The following RBFOX1 variants were observed in gnomAD, a reference collection of about 807,000 sequenced individuals.
RBFOX1 encodes the protein RNA binding protein fox-1 homolog 1.
RBFOX1 carries 8 observed loss-of-function variants against 57.7 expected under a neutral mutation model. The ratio of observed to expected loss-of-function variants is 0.14; its 90% CI spans 0.08 to 0.25. The LOEUF is 0.25. Among genes scored for constraint, RBFOX1 ranks in the 10% least tolerant of loss-of-function variants. The pLI, the probability that RBFOX1 is intolerant of heterozygous loss-of-function variation, is 1.00. For missense variants in RBFOX1, 611 were observed against 548.5 expected (o/e 1.11, Z -1.14); for synonymous variants, 326 against 222.4 (o/e 1.47, Z -4.15).
chr16:5,513,236 G>C (rs1321654100), intron 2 of RBFOX1, among the ~76,000 whole-genome samples: 1 of 152,140 alleles, frequency 6.6e-6, no homozygotes, highest in East Asian at 1.9e-4. Context: ...TAATGACCTT[G>C]ATGGTTTTCA....
At chr16:5,432,559 GTTT>G (rs35344614) in intron 1 of RBFOX1, among the ~76,000 whole-genome samples, 4 of 94,218 alleles carry the variant, frequency 4.2e-5, no homozygotes, top group African/African-American at 1.6e-4. Flanking sequence ...TTGTTTGTTT[GTTT>G]TTTTTTTTTT....
intron 2 of RBFOX1, among the ~76,000 whole-genome samples, chr16:5,505,171 T>A (rs2043337754): frequency 1.3e-5 from 2 of 152,198 alleles, no homozygotes; most frequent in South Asian, 4.1e-4. Context: ...AGCTTGACAT[T>A]GTAGGCTGCA....
chr16:5,920,226 A>T (rs922624865), intron 4 of RBFOX1, among the ~76,000 whole-genome samples: 7 of 151,862 alleles, frequency 4.6e-5, no homozygotes, highest in African/African-American at 1.5e-4. Context: ...GAGCCACCAC[A>T]CCCGGCCATA....
intron 2 of RBFOX1, among the ~76,000 whole-genome samples, chr16:6,605,989 G>A (rs891721816): frequency 1.3e-5 from 2 of 151,946 alleles, no homozygotes; most frequent in African/African-American, 4.8e-5. Flanking sequence ...AGTGCCTGTA[G>A]TCCCAGCTAC....
At chr16:6,587,957 C>T (rs1352561136) in intron 2 of RBFOX1, among the ~76,000 whole-genome samples, 4 of 152,126 alleles carry the variant, frequency 2.6e-5, no homozygotes, top group Admixed American at 2.6e-4. Context: ...TTGCCTGGCA[C>T]AGTGGCTCAC....
intron 2 of RBFOX1, among the ~76,000 whole-genome samples, chr16:6,612,333 C>A (rs1408475609): frequency 1.3e-5 from 2 of 152,160 alleles, no homozygotes; most frequent in East Asian, 1.9e-4. Context: ...AACTAAACTG[C>A]AGGCATACGT....
At chr16:6,945,789 G>A (rs1258358556) in intron 3 of RBFOX1, among the ~76,000 whole-genome samples, 1 of 152,146 alleles carries the variant, frequency 6.6e-6, no homozygotes, top group African/African-American at 2.4e-5. Flanking sequence ...TACTTCGGAG[G>A]CCGAGACGGG....
At chr16:6,294,344 G>T (rs1423316670) in intron 1 of RBFOX1, among the ~76,000 whole-genome samples, 5 of 152,220 alleles carry the variant, frequency 3.3e-5, no homozygotes, top group Non-Finnish European at 7.3e-5. Context: ...TATGGTCCCA[G>T]TATGGTTAGA....
intron 4 of RBFOX1, among the ~76,000 whole-genome samples, chr16:6,000,514 C>G (rs528641269): frequency 1.3e-5 from 2 of 152,160 alleles, no homozygotes; most frequent in Non-Finnish European, 2.9e-5. Flanking sequence ...CTGCCACTCT[C>G]TTGTACGCAA....
chr16:6,161,388 TAA>T (rs57538647), intron 1 of RBFOX1, among the ~76,000 whole-genome samples: 2,914 of 131,726 alleles, frequency 0.022, 45 homozygotes, highest in South Asian at 0.03. Context: ...GACTCTGTCT[TAA>T]AAAAAAAAAA....
At chr16:6,143,248 A>G (rs1567551865) in intron 1 of RBFOX1, among the ~76,000 whole-genome samples, 1 of 152,202 alleles carries the variant, frequency 6.6e-6, no homozygotes, top group East Asian at 1.9e-4. Context: ...GCATGTTTCT[A>G]TGGAAACAGA....
intron 4 of RBFOX1, among the ~76,000 whole-genome samples, chr16:5,889,796 A>C (rs1218109932): frequency 6.6e-6 from 1 of 152,246 alleles, no homozygotes; most frequent in Admixed American, 6.5e-5. Context: ...AGAGAGATGT[A>C]GGTGTTGGCA....
intron 4 of RBFOX1, among the ~76,000 whole-genome samples, chr16:7,082,204 A>G (rs12709174): frequency 0.7 from 105,578 of 151,702 alleles, 37,593 homozygotes; most frequent in East Asian, 0.91. Flanking sequence ...TTGAAGACCT[A>G]TGGTTCAGGA....
At chr16:6,005,523 C>T (rs1176865283) in intron 4 of RBFOX1, among the ~76,000 whole-genome samples, 5 of 152,326 alleles carry the variant, frequency 3.3e-5, no homozygotes, top group East Asian at 1.9e-4. Context: ...CAAGGGTTTT[C>T]AACTTTGGCA....
At chr16:7,430,857 G>T (rs915894917) in intron 4 of RBFOX1, among the ~76,000 whole-genome samples, 1 of 152,122 alleles carries the variant, frequency 6.6e-6, no homozygotes, top group African/African-American at 2.4e-5. Context: ...AAGGGGGCTT[G>T]GTTATCATGA....
intron 10 of RBFOX1, among the ~76,000 whole-genome samples, chr16:7,616,538 C>T (rs932423763): frequency 2.0e-5 from 3 of 152,178 alleles, no homozygotes; most frequent in African/African-American, 7.2e-5. Context: ...ATGGTGTGGT[C>T]CAAGGCCTCA....
rs12102772 is a variant in RBFOX1 at position 6,027,844 on chromosome 16, C to T, written c.-127+7852C>T. ...TGAGAGTGAAGGGGGAAGAACCCAG[C>T]GTAGCTGCAAATGTACGGTTGAGAT... On this transcript the variant is annotated intron_variant, in intron 1 of 15. Coordinates refer to ENST00000550418, the MANE Select transcript of RBFOX1 (RefSeq NM_018723.4). 5.9e-5 allele frequency among the ~76,000 whole-genome samples: 9 copies of T among 152,204 alleles called. No individual in the cohort carries two copies. The South Asian group carries it at 8.3e-4, about 14-fold the overall frequency.
At position 6,742,671 on chromosome 16, in the gene RBFOX1, C is replaced by T. The variant is rs749022405; in HGVS notation, c.-16+88021C>T. On this transcript the variant is annotated intron_variant, in intron 3 of 15. Coordinates refer to ENST00000550418, the MANE Select transcript of RBFOX1 (RefSeq NM_018723.4). ...CAGCAATAAAAACTGAATGAACTATCGATATACACAACACCTGTGATGAAT... is the reference window on the plus strand; with the variant it reads ...CAGCAATAAAAACTGAATGAACTATTGATATACACAACACCTGTGATGAAT... 2.0e-4 allele frequency among the ~76,000 whole-genome samples: 31 copies of T among 152,230 alleles called. No homozygotes were observed. In the South Asian group the frequency reaches 2.7e-3, roughly 13 times the overall value.
chr16:6,214,180 C>A (rs2097316170), intron 1 of RBFOX1, among the ~76,000 whole-genome samples: 1 of 152,242 alleles, frequency 6.6e-6, no homozygotes, highest in Non-Finnish European at 1.5e-5. Flanking sequence ...CTCCTTCTCT[C>A]CCACTGTCTC....
Sources: gnomAD v4.1 joint callset for allele counts (sites outside exome capture counted in the v4.1 genomes callset) on GRCh38, gnomAD v4.1.1 for gene constraint, MANE v1.5 for transcripts, NCBI Gene and HGNC (gene_info 2026-07-23, HGNC 2026-07-21) for gene names.